Variants in DOC2B observed in about 807,000 individuals in gnomAD.
DOC2B encodes the protein double C2-like domain-containing protein beta.
A neutral mutation model predicts 28.9 loss-of-function variants in DOC2B; 21 were observed. The observed-to-expected ratio is 0.73, with a 90% CI of 0.52 to 1.05. The LOEUF (loss-of-function observed/expected upper bound fraction) is 1.05. DOC2B is among the 50% of genes least tolerant of loss of function. The pLI is 0.00. For missense variants in DOC2B, 384 were observed against 421.1 expected (o/e 0.91, Z 0.77); for synonymous variants, 194 against 178.1 (o/e 1.09, Z -0.71).
intron 1 of DOC2B, among the ~76,000 whole-genome samples, chr17:176,023 G>A (rs1406301931): frequency 2.6e-5 from 4 of 152,178 alleles, no homozygotes; most frequent in Admixed American, 2.6e-4. Flanking sequence ...TTGAGAGGCT[G>A]GTGAAGCTCT....
At chr17:162,017 T>G in intron 4 of DOC2B, 64 bp downstream of exon 4, 2 of 1,199,282 alleles carry the variant, frequency 1.7e-6, no homozygotes, top group Non-Finnish European at 2.4e-6. Flanking sequence ...CCTGCCTTCA[T>G]TAGGAAAAGC....
rs966329790 is a variant in DOC2B at position 181,049 on chromosome 17, G to C, written c.373+58C>G. On this transcript the variant is annotated intron_variant, in intron 1 of 8. Transcript: ENST00000613549. The surrounding 1 kb of genome is among the most constrained non-coding windows in gnomAD (Gnocchi z 7.0). ...CGGCGGAGGGAAGCCGCGAGGCCGTGGGGGGGCCGAGCCCGAGCCAGGGGA... is the reference window on the plus strand; with the variant it reads ...CGGCGGAGGGAAGCCGCGAGGCCGTCGGGGGGCCGAGCCCGAGCCAGGGGA... The C allele has an allele frequency of 5.6e-5, 67 of 1,196,428 alleles. No homozygotes were observed. Among genetic ancestry groups the C allele is most frequent in the Non-Finnish European group, 7.0e-5 (67 of 959,282 alleles). 74.1% of individuals were successfully genotyped at this position (1,196,428 alleles called of 1,614,324 possible).
rs1011217319 is a variant in DOC2B at position 143,613 on chromosome 17, G to T, written c.*3828C>A. 6.6e-6 allele frequency: 1 copy of T among 152,282 alleles called. No individual in the cohort carries two copies. Among genetic ancestry groups the T allele is most frequent in the African/African-American group, 2.4e-5 (1 of 41,538 alleles). 9.4% of individuals were successfully genotyped at this position (152,282 alleles called of 1,614,324 possible). On this transcript the variant is annotated 3_prime_UTR_variant, in exon 9 of 9. Transcript: ENST00000613549. ...TTCTCCCACCTCGACCTCCAAAAGT[G>T]CTAGGACTTACAGGCGTGAGCCACC...
In DOC2B at chr17:161,862, C is replaced by T. The variant is rs534086418; in HGVS notation, c.638+219G>A. On this transcript the variant is annotated intron_variant, in intron 4 of 8. Coordinates refer to ENST00000613549, the MANE Select transcript of DOC2B (RefSeq NM_003585.5). ...GCACCCTGAGAGGCCCCAGGAAGCA[C>T]CTTCAGGGGACTGGGGCCAGGGTGA... is the stretch of plus-strand genomic sequence containing the variant. Among the ~76,000 whole-genome samples, 10 of 152,338 alleles carry T rather than the reference C, an allele frequency of 6.6e-5. 1 individual carries two copies. The South Asian group carries it at 2.1e-3, about 32-fold the overall frequency.
chr17:154,287 T>C (rs533316944), intron 6 of DOC2B, among the ~76,000 whole-genome samples: 41 of 150,008 alleles, frequency 2.7e-4, no homozygotes, highest in African/African-American at 1.0e-3. Flanking sequence ...AGGGCTGATA[T>C]TCCACGCACC....
At chr17:157,230 C>T (rs190812859) in intron 5 of DOC2B, among the ~76,000 whole-genome samples, 24 of 152,372 alleles carry the variant, frequency 1.6e-4, no homozygotes, top group Non-Finnish European at 3.2e-4. Context: ...ACCTCCACAC[C>T]TTTGCGCACC....
chr17:149,028 A>G (rs2040044845), intron 7 of DOC2B, 83 bp downstream of exon 7: 2 of 361,616 alleles, frequency 5.5e-6, no homozygotes, highest in Non-Finnish European at 4.9e-6. Context: ...CCATCCCGCC[A>G]TGACCTTTTG....
At position 155,161 on chromosome 17, in the gene DOC2B, T is replaced by C. The variant is rs547020163; in HGVS notation, c.923+1059A>G. Among the ~76,000 whole-genome samples the C allele has an allele frequency of 3.2e-3, 489 of 152,212 alleles. 6 individuals are homozygous for C. The highest frequency in any genetic ancestry group is 3.3e-3 in the Non-Finnish European group (227 of 68,018). ...GACATGCCACTACACCAGGCTAATT[T>C]TTAATTTTTTTATAGAGATGGAGGT... On this transcript the variant is annotated intron_variant, in intron 6 of 8. Coordinates refer to ENST00000613549, the MANE Select transcript of DOC2B (RefSeq NM_003585.5).
intron 2 of DOC2B, among the ~76,000 whole-genome samples, chr17:169,694 G>T (rs2040289749): frequency 6.6e-6 from 1 of 152,060 alleles, no homozygotes; most frequent in African/African-American, 2.4e-5. Flanking sequence ...CTTATAAGGG[G>T]GGACAAGCAA....
intron 6 of DOC2B, among the ~76,000 whole-genome samples, chr17:154,874 C>T (rs564599918): frequency 3.9e-5 from 6 of 152,184 alleles, no homozygotes; most frequent in Admixed American, 1.3e-4. Context: ...CGATTACAGG[C>T]GCCCGCCACC....
chr17:161,686 C>T (rs144661298), intron 4 of DOC2B, 145 bp from the exon 5 acceptor site: 3 of 1,384,840 alleles, frequency 2.2e-6, no homozygotes, highest in Non-Finnish European at 1.9e-6. Context: ...GATGCCTGGG[C>T]CCTGACAGGG....
chr17:156,216 T>G lies in DOC2B; in HGVS notation c.923+4A>C. 2 of 1,547,400 alleles carry G rather than the reference T, an allele frequency of 1.3e-6. No individual in the cohort carries two copies. Among genetic ancestry groups the G allele is most frequent in the Non-Finnish European group, 1.7e-6 (2 of 1,144,752 alleles). On this transcript the variant is annotated splice_donor_region_variant and intron_variant, in intron 6 of 8. Transcript: ENST00000613549. Reference sequence around the variant, plus strand: ...GCAGGTGGTCACGCGCACGGCACACTCACGTTTTCACGTAGGGGTCCGAGT... The same window carrying G: ...GCAGGTGGTCACGCGCACGGCACACGCACGTTTTCACGTAGGGGTCCGAGT...
chr17:165,342 TG>T (rs886616682), intron 2 of DOC2B, among the ~76,000 whole-genome samples: 1 of 150,464 alleles, frequency 6.6e-6, no homozygotes, highest in Non-Finnish European at 1.5e-5. Context: ...ATTAGCTGGG[TG>T]GGGTGGCATG....
chr17:169,836 T>C (rs1008560976), intron 2 of DOC2B, among the ~76,000 whole-genome samples: 2 of 151,790 alleles, frequency 1.3e-5, no homozygotes, highest in Non-Finnish European at 2.9e-5. Context: ...CACCACCCCT[T>C]CCCTACAGAA....
chr17:170,894 G>C (rs1378280621), intron 2 of DOC2B, among the ~76,000 whole-genome samples: 1 of 21,924 alleles, frequency 4.6e-5, no homozygotes, highest in African/African-American at 1.4e-4. Context: ...CCAGGGGCCG[G>C]GCCAGGCTGC....
chr17:172,482 G>C (rs370682502), intron 2 of DOC2B, 55 bp downstream of exon 2: 2 of 1,465,336 alleles, frequency 1.4e-6, no homozygotes, highest in Admixed American at 4.0e-5. Context: ...CCCTGACCTA[G>C]GCCCTCTTGA....
chr17:179,252 C>A (rs927507048), intron 1 of DOC2B, among the ~76,000 whole-genome samples: 1 of 152,226 alleles, frequency 6.6e-6, no homozygotes, highest in Non-Finnish European at 1.5e-5. Flanking sequence ...GGCCCCTGCA[C>A]CGCATGTATC....
chr17:175,672 G>C (rs2040361941), intron 1 of DOC2B, among the ~76,000 whole-genome samples: 1 of 152,220 alleles, frequency 6.6e-6, no homozygotes. Flanking sequence ...CAGGAGCTGG[G>C]ATCTGGTGTG....
chr17:145,435 G>C lies in DOC2B; in HGVS notation c.*2006C>G, dbSNP rs1020275282. 24 of 152,404 alleles carry C rather than the reference G, an allele frequency of 1.6e-4. No homozygotes were observed. Among genetic ancestry groups the C allele is most frequent in the African/African-American group, 5.1e-4 (21 of 41,576 alleles). The allele number at this position is 152,404 out of a possible 1,614,324, so 9.4% of individuals were successfully genotyped here. ...TGTTTCACCTGCAAGATGGGGATGA[G>C]AATCAAACCCACCTTGCAGGGCTGT... On this transcript the variant is annotated 3_prime_UTR_variant, in exon 9 of 9. Coordinates refer to ENST00000613549, the MANE Select transcript of DOC2B (RefSeq NM_003585.5).
Sources: gnomAD v4.1 joint callset for allele counts (sites outside exome capture counted in the v4.1 genomes callset) on GRCh38, gnomAD v4.1.1 for gene constraint, Gnocchi (gnomAD v3.1) non-coding constraint, MANE v1.5 for transcripts, NCBI Gene and HGNC (gene_info 2026-07-23, HGNC 2026-07-21) for gene names.